The following PARD3 variants were observed in gnomAD, a reference collection of about 807,000 sequenced individuals.
PARD3 encodes partitioning defective 3 homolog.
In PARD3, 75 loss-of-function variants were observed where a neutral mutation model predicts 155.4. The observed-to-expected ratio is 0.48, with a 90% CI of 0.40 to 0.58. The LOEUF is 0.58. PARD3 is among the 20% of genes least tolerant of loss of function. PARD3 has a pLI of 0.00. For missense variants in PARD3, 1,642 were observed against 1,721.7 expected, an observed-to-expected ratio of 0.95 and a Z score of 0.82; for synonymous variants, 576 against 610.5, an observed-to-expected ratio of 0.94 and a Z score of 0.83.
At chr10:34,292,679 A>G (rs987247989) in intron 20 of PARD3, among the ~76,000 whole-genome samples, 7 of 151,786 alleles carry the variant, frequency 4.6e-5, no homozygotes, top group East Asian at 1.9e-4. Flanking sequence ...ATAAATTTGT[A>G]TTGCTTGGCA....
At chr10:34,632,535 T>C (rs1225999067) in intron 2 of PARD3, among the ~76,000 whole-genome samples, 2 of 152,190 alleles carry the variant, frequency 1.3e-5, no homozygotes, top group Admixed American at 1.3e-4. Flanking sequence ...GAAGAAGGTA[T>C]GAACAGTTCG....
intron 1 of PARD3, among the ~76,000 whole-genome samples, chr10:34,805,098 C>T (rs1843204839): frequency 6.6e-6 from 1 of 152,222 alleles, no homozygotes; most frequent in South Asian, 2.1e-4. Flanking sequence ...TGGCTCACGC[C>T]TGTAATCCCA....
intron 20 of PARD3, among the ~76,000 whole-genome samples, chr10:34,292,531 C>A (rs1159688622): frequency 6.6e-6 from 1 of 152,116 alleles, no homozygotes; most frequent in East Asian, 1.9e-4. Flanking sequence ...AACTTGATAG[C>A]GCTTTTGTAA....
intron 22 of PARD3, among the ~76,000 whole-genome samples, chr10:34,230,987 C>T (rs973887867): frequency 1.3e-5 from 2 of 151,986 alleles, no homozygotes; most frequent in Non-Finnish European, 2.9e-5. Flanking sequence ...AATCGCACCA[C>T]TAGCATTCCA....
intron 2 of PARD3, among the ~76,000 whole-genome samples, chr10:34,682,704 A>G (rs1165751456): frequency 6.6e-6 from 1 of 152,142 alleles, no homozygotes; most frequent in Non-Finnish European, 1.5e-5. Context: ...CCTGGGTGAC[A>G]GACCAAGACC....
At chr10:34,366,704 C>A (rs1254791757) in intron 12 of PARD3, among the ~76,000 whole-genome samples, 1 of 152,020 alleles carries the variant, frequency 6.6e-6, no homozygotes, top group Non-Finnish European at 1.5e-5. Flanking sequence ...ATATTTTTAA[C>A]TAAGAGAAAG....
chr10:34,208,826 A>G (rs1354840245), intron 22 of PARD3, among the ~76,000 whole-genome samples: 2 of 152,178 alleles, frequency 1.3e-5, no homozygotes, highest in Non-Finnish European at 2.9e-5. Context: ...GACATTTAAC[A>G]ATCGAGGGTT....
intron 1 of PARD3, among the ~76,000 whole-genome samples, chr10:34,750,316 T>C (rs962750016): frequency 6.6e-6 from 1 of 151,982 alleles, no homozygotes; most frequent in Admixed American, 6.6e-5. Context: ...GTCAAACATA[T>C]ATTAATCTAT....
At chr10:34,674,003 A>AAAG (rs1564490543) in intron 2 of PARD3, among the ~76,000 whole-genome samples, 3 of 144,748 alleles carry the variant, frequency 2.1e-5, no homozygotes, top group Admixed American at 6.9e-5. Flanking sequence ...AAAAACAAAC[A>AAAG]AACAGGAGGA....
Position 34,343,887 on chromosome 10 carries a change from A to G in PARD3, c.2219-2071T>C, listed in dbSNP as rs928009541. On this transcript the variant is annotated intron_variant, in intron 15 of 24. Transcript: ENST00000374788. ...GAAATACAAAATGTTTGTTTACTAA[A>G]CATTTATTCATTGGCAAATTTACAT... 2.8e-5 allele frequency: 28 copies of G among 983,454 alleles called. No homozygotes were observed. The African/African-American group carries it at 4.9e-4, about 17-fold the overall frequency. 60.9% of individuals were successfully genotyped at this position (983,454 alleles called of 1,614,324 possible). A position where few individuals can be genotyped will look rare whatever the true frequency, so the allele number is the denominator to read the frequency against.
At chr10:34,708,442 T>C (rs1372799994) in intron 1 of PARD3, among the ~76,000 whole-genome samples, 5 of 152,226 alleles carry the variant, frequency 3.3e-5, no homozygotes, top group South Asian at 2.1e-4. Context: ...AATGTGATCA[T>C]TGTACTAGTT....
At chr10:34,761,971 A>T (rs983491355) in intron 1 of PARD3, among the ~76,000 whole-genome samples, 3 of 152,214 alleles carry the variant, frequency 2.0e-5, no homozygotes, top group Non-Finnish European at 4.4e-5. Context: ...AAATACAGGT[A>T]TACGTGATTT....
chr10:34,555,635 C>A (rs985183991), intron 2 of PARD3, among the ~76,000 whole-genome samples: 1 of 152,122 alleles, frequency 6.6e-6, no homozygotes, highest in Non-Finnish European at 1.5e-5. Flanking sequence ...TTTAATTGAC[C>A]TTATTTTTCT....
chr10:34,743,582 T>C (rs906621670), intron 1 of PARD3, among the ~76,000 whole-genome samples: 3 of 152,114 alleles, frequency 2.0e-5, no homozygotes, highest in African/African-American at 7.2e-5. Flanking sequence ...GAGCACAGAA[T>C]CACAAACACA....
At chr10:34,668,327 TCATTA>T (rs2093539339) in intron 2 of PARD3, among the ~76,000 whole-genome samples, 2 of 152,234 alleles carry the variant, frequency 1.3e-5, no homozygotes, top group South Asian at 4.1e-4. Flanking sequence ...CCTTCTCTTT[TCATTA>T]TAGTATTGTC....
chr10:34,331,405 A>G (rs745509893), intron 18 of PARD3, 61 bp from the exon 19 acceptor site: 5 of 1,072,568 alleles, frequency 4.7e-6, no homozygotes, highest in Non-Finnish European at 7.1e-6. Flanking sequence ...GTACCTGAAT[A>G]TGCACTGTCG....
intron 3 of PARD3, among the ~76,000 whole-genome samples, chr10:34,472,344 A>G (rs2078407101): frequency 6.6e-6 from 1 of 152,206 alleles, no homozygotes; most frequent in Non-Finnish European, 1.5e-5. Flanking sequence ...TAAGAACTAT[A>G]TAGTCACTCT....
intron 5 of PARD3, among the ~76,000 whole-genome samples, chr10:34,408,522 G>T (rs962448972): frequency 6.6e-6 from 1 of 152,098 alleles, no homozygotes; most frequent in East Asian, 1.9e-4. Flanking sequence ...AATTCCAAAG[G>T]GAATCTGTTT....
intron 14 of PARD3, among the ~76,000 whole-genome samples, chr10:34,356,656 T>A (rs776707422): frequency 6.6e-6 from 1 of 152,362 alleles, no homozygotes; most frequent in South Asian, 2.1e-4. Context: ...TGTGCTTATA[T>A]CAATATTTAC....
Sources: gnomAD v4.1 joint callset for allele counts (sites outside exome capture counted in the v4.1 genomes callset) on GRCh38, gnomAD v4.1.1 for gene constraint, MANE v1.5 for transcripts, NCBI Gene and HGNC (gene_info 2026-07-23, HGNC 2026-07-21) for gene names.